ZMAT4: variants seen among roughly 807,000 people sequenced by gnomAD.
The protein encoded by ZMAT4 is zinc finger matrin-type protein 4.
Under a neutral mutation model 28.7 loss-of-function variants are expected in ZMAT4, and 17 were observed. That is an observed-to-expected ratio of 0.59 (90% CI 0.41 to 0.89). The LOEUF (loss-of-function observed/expected upper bound fraction) is 0.89, where lower values mean the gene tolerates loss of function less well. ZMAT4 is among the 40% of genes least tolerant of loss of function. The pLI is 0.00. For synonymous variants in ZMAT4, 117 were observed against 109.2 expected (o/e 1.07, Z -0.44); for missense variants, 240 against 283.8 (o/e 0.85, Z 1.11).
intron 5 of ZMAT4, among the ~76,000 whole-genome samples, chr8:40,613,315 T>C (rs1805875295): frequency 6.6e-6 from 1 of 151,196 alleles, no homozygotes. Context: ...TTTGAGTAGC[T>C]GGGATTACAG....
At position 40,620,273 on chromosome 8, in the gene ZMAT4, A is replaced by G. The variant is rs778383570; in HGVS notation, c.578-39012T>C. 1.4e-4 allele frequency among the ~76,000 whole-genome samples: 21 copies of G among 152,240 alleles called. 1 individual carries two copies. The highest frequency in any genetic ancestry group is 2.2e-4 in the Non-Finnish European group (15 of 68,048). On this transcript the variant is annotated intron_variant, in intron 5 of 6. Coordinates refer to ENST00000297737, the MANE Select transcript of ZMAT4 (RefSeq NM_024645.3). ...TAACTATAATGTGAGAAATAAAAGT[A>G]TGGGCATTTAGAACAACAGAGAGTT... is the stretch of plus-strand genomic sequence containing the variant.
At chr8:40,795,232 G>A (rs67653023) in intron 2 of ZMAT4, among the ~76,000 whole-genome samples, 66,240 of 151,866 alleles carry the variant, frequency 0.44, 14,826 homozygotes, top group Middle Eastern at 0.55. Flanking sequence ...TGATTTGGGG[G>A]CAAACCTCCA....
intron 1 of ZMAT4, among the ~76,000 whole-genome samples, chr8:40,879,166 A>C (rs74616964): frequency 2.0e-5 from 3 of 152,120 alleles, no homozygotes; most frequent in Non-Finnish European, 4.4e-5. Context: ...GCGTACCTAC[A>C]ATCCCAACAC....
chr8:40,819,593 C>A (rs1012220077), intron 2 of ZMAT4, among the ~76,000 whole-genome samples: 1 of 152,160 alleles, frequency 6.6e-6, no homozygotes, highest in Non-Finnish European at 1.5e-5. Context: ...ACATGGCTCC[C>A]ACCTGCCCTC....
intron 3 of ZMAT4, among the ~76,000 whole-genome samples, chr8:40,737,859 T>C (rs1811837985): frequency 6.6e-6 from 1 of 152,072 alleles, no homozygotes; most frequent in Non-Finnish European, 1.5e-5. Flanking sequence ...ATCAAAGAGT[T>C]CCATGAAGCA....
chr8:40,828,820 G>A (rs1425876761), intron 1 of ZMAT4, among the ~76,000 whole-genome samples: 1 of 152,074 alleles, frequency 6.6e-6, no homozygotes, highest in East Asian at 1.9e-4. Flanking sequence ...GACAACCAGA[G>A]GGTCCGATTT....
rs1477126076 is a variant in ZMAT4, at chr8:40,881,424, GAAGAAAGAGAGAAAGA to G, written c.-5+16243_-5+16258del. Among the ~76,000 whole-genome samples the G allele has an allele frequency of 1.0e-3, 74 of 71,218 alleles. No homozygotes were observed. The East Asian group carries it at 0.027, about 26-fold the overall frequency. 46.7% of individuals were successfully genotyped at this position (71,218 alleles called of 152,430 possible). A position where few individuals can be genotyped will look rare whatever the true frequency, so the allele number is the denominator to read the frequency against. On this transcript the variant is annotated intron_variant, in intron 1 of 6. Transcript: ENST00000297737. The stretch of plus-strand genomic sequence containing the variant: ...AGAGAGAGAAAGAAAGGAAGAAAAA[GAAGAAAGAGAGAAAGA>G]AAGAAAGAAAGAAAGAAAGAAAGAA...
At chr8:40,725,517 T>C (rs1221996927) in intron 3 of ZMAT4, among the ~76,000 whole-genome samples, 1 of 152,214 alleles carries the variant, frequency 6.6e-6, no homozygotes, top group African/African-American at 2.4e-5. Context: ...CAAAGCCCAA[T>C]GTTGCTTGAA....
intron 2 of ZMAT4, among the ~76,000 whole-genome samples, chr8:40,776,455 C>T (rs181844750): frequency 4.6e-5 from 7 of 152,268 alleles, no homozygotes; most frequent in African/African-American, 1.7e-4. Flanking sequence ...AATAAAAGTC[C>T]TGCAACTCAA....
chr8:40,591,869 G>T (rs968872480), intron 5 of ZMAT4, among the ~76,000 whole-genome samples: 1 of 152,008 alleles, frequency 6.6e-6, no homozygotes, highest in Non-Finnish European at 1.5e-5. Context: ...GAAAACCATG[G>T]TTCAAAGACA....
At chr8:40,679,930 G>A (rs953736579) in intron 4 of ZMAT4, among the ~76,000 whole-genome samples, 2 of 152,082 alleles carry the variant, frequency 1.3e-5, no homozygotes, top group African/African-American at 4.8e-5. Flanking sequence ...AAGAAATATG[G>A]TAACCAAGAG....
At chr8:40,770,793 C>T (rs1319798021) in intron 2 of ZMAT4, among the ~76,000 whole-genome samples, 1 of 152,056 alleles carries the variant, frequency 6.6e-6, no homozygotes, top group Non-Finnish European at 1.5e-5. Flanking sequence ...AGTGAGCCGC[C>T]CACCTCAGCC....
intron 2 of ZMAT4, among the ~76,000 whole-genome samples, chr8:40,807,494 G>T (rs892982743): frequency 2.6e-5 from 4 of 152,080 alleles, no homozygotes; most frequent in African/African-American, 9.7e-5. Flanking sequence ...AAATCTAAGT[G>T]GCTATGGATG....
intron 1 of ZMAT4, among the ~76,000 whole-genome samples, chr8:40,864,235 A>G (rs1481790049): frequency 6.6e-6 from 1 of 152,248 alleles, no homozygotes. Flanking sequence ...AATCAGCAGG[A>G]AATGACCTCG....
intron 6 of ZMAT4, 79 bp from the exon 7 acceptor site, chr8:40,532,317 T>A: frequency 3.1e-6 from 4 of 1,292,340 alleles, no homozygotes; most frequent in Non-Finnish European, 4.2e-6. Flanking sequence ...CCCCACCCCC[T>A]GTCTCTCTTC....
At chr8:40,842,371 C>T (rs1313244105) in intron 1 of ZMAT4, among the ~76,000 whole-genome samples, 1 of 152,236 alleles carries the variant, frequency 6.6e-6, no homozygotes, top group Non-Finnish European at 1.5e-5. Context: ...AAATTGTTGG[C>T]TTAGCATTTC....
intron 3 of ZMAT4, among the ~76,000 whole-genome samples, chr8:40,762,589 G>A (rs1305987657): frequency 2.0e-5 from 3 of 152,036 alleles, no homozygotes; most frequent in Non-Finnish European, 4.4e-5. Flanking sequence ...CTGGGAGTTC[G>A]AGGCTGCAAT....
At chr8:40,715,784 C>G (rs936382237) in intron 3 of ZMAT4, among the ~76,000 whole-genome samples, 1 of 152,186 alleles carries the variant, frequency 6.6e-6, no homozygotes, top group Non-Finnish European at 1.5e-5. Flanking sequence ...CGTGGCCCAC[C>G]TCACTAATCT....
chr8:40,561,447 T>G (rs1235428375), intron 6 of ZMAT4, among the ~76,000 whole-genome samples: 1 of 152,138 alleles, frequency 6.6e-6, no homozygotes, highest in Non-Finnish European at 1.5e-5. Context: ...AGCTTCCACA[T>G]GTAAGCACCA....
Sources: allele counts gnomAD v4.1 joint callset (sites outside exome capture counted in the v4.1 genomes callset), GRCh38; gene constraint gnomAD v4.1.1; transcripts MANE v1.5; gene names NCBI Gene and HGNC (gene_info 2026-07-23, HGNC 2026-07-21).